Variants in SOX5 observed in about 807,000 individuals in gnomAD.
SOX5 encodes the protein transcription factor SOX-5.
Under a neutral mutation model 92.0 loss-of-function variants are expected in SOX5, and 9 were observed. That is an observed-to-expected ratio of 0.10 (90% confidence interval 0.06 to 0.17). The LOEUF is 0.17. SOX5 is among the 10% of genes least tolerant of loss of function. The probability of loss-of-function intolerance (pLI) is 1.00; values close to 1 mark genes in which losing one functional copy is unlikely to be tolerated. For missense variants in SOX5, 642 were observed against 944.5 expected (o/e 0.68, Z 4.20); for synonymous variants, 344 against 336.3 (o/e 1.02, Z -0.25).
chr12:24,237,821 G>C (rs759297930), intron 3 of SOX5: 1 of 152,144 alleles, frequency 6.6e-6, no homozygotes, highest in Admixed American at 6.5e-5. Context: ...ATTCTCCATA[G>C]CATCAAGCAC....
chr12:23,644,396 T>C (rs1247414238), intron 7 of SOX5, among the ~76,000 whole-genome samples: 3 of 152,208 alleles, frequency 2.0e-5, no homozygotes, highest in African/African-American at 7.2e-5. Context: ...AAATAAATGT[T>C]TGTTGTCTTA....
intron 2 of SOX5, among the ~76,000 whole-genome samples, chr12:23,895,209 A>C (rs10842238): frequency 0.049 from 1,464 of 30,000 alleles, 17 homozygotes; most frequent in Middle Eastern, 0.12. Context: ...AATAGGATGC[A>C]AAAAAAAAAA....
chr12:24,052,061 G>C (rs1480155511), intron 4 of SOX5, among the ~76,000 whole-genome samples: 2 of 152,070 alleles, frequency 1.3e-5, no homozygotes, highest in Non-Finnish European at 1.5e-5. Context: ...ATCTTCAATA[G>C]AGCCTTACTT....
intron 3 of SOX5, among the ~76,000 whole-genome samples, chr12:23,777,482 A>G (rs1466001784): frequency 6.6e-6 from 1 of 152,218 alleles, no homozygotes; most frequent in Non-Finnish European, 1.5e-5. Context: ...TTTTTAATGA[A>G]TTCAGACTCT....
At chr12:23,570,143 A>G (rs1947896247) in intron 10 of SOX5, among the ~76,000 whole-genome samples, 1 of 152,214 alleles carries the variant, frequency 6.6e-6, no homozygotes, top group African/African-American at 2.4e-5. Flanking sequence ...TATTTTATAT[A>G]GGAGTTGTAA....
chr12:24,387,092 G>A (rs1204415786), intron 1 of SOX5, among the ~76,000 whole-genome samples: 1 of 152,122 alleles, frequency 6.6e-6, no homozygotes, highest in East Asian at 1.9e-4. Flanking sequence ...TATAAAACAT[G>A]GCACAAAGTA....
intron 1 of SOX5, among the ~76,000 whole-genome samples, chr12:24,445,118 A>G (rs1218699696): frequency 6.6e-6 from 1 of 152,220 alleles, no homozygotes; most frequent in Non-Finnish European, 1.5e-5. Flanking sequence ...GACAGTCACA[A>G]GTACTTACAA....
intron 1 of SOX5, among the ~76,000 whole-genome samples, chr12:23,929,063 A>C (rs1398287610): frequency 1.3e-5 from 2 of 151,898 alleles, no homozygotes; most frequent in African/African-American, 4.8e-5. Context: ...AAAACACAGA[A>C]AAGCTTAACA....
At chr12:23,976,888 G>T (rs11047185) in intron 4 of SOX5, among the ~76,000 whole-genome samples, 7,950 of 151,614 alleles carry the variant, frequency 0.052, 648 homozygotes, top group East Asian at 0.38. Context: ...ACTTGTAGAA[G>T]AATAGAATAA....
chr12:24,078,754 C>T (rs1301079644), intron 4 of SOX5, among the ~76,000 whole-genome samples: 2 of 152,022 alleles, frequency 1.3e-5, no homozygotes, highest in Admixed American at 1.3e-4. Flanking sequence ...CTCAACTTCA[C>T]ATATTCAATG....
intron 1 of SOX5, 145 bp from the exon 2 acceptor site, chr12:23,896,169 C>T (rs1329966722): frequency 3.2e-6 from 2 of 626,712 alleles, no homozygotes; most frequent in East Asian, 5.4e-5. Context: ...CTGCAAAGCA[C>T]ACACAATCAG....
intron 4 of SOX5, among the ~76,000 whole-genome samples, chr12:24,044,398 G>A (rs536534753): frequency 2.6e-5 from 4 of 152,268 alleles, no homozygotes; most frequent in East Asian, 1.9e-4. Context: ...TTTCTAGTCC[G>A]GGAGGGGCAA....
At chr12:23,707,304 G>A (rs1267998950) in intron 6 of SOX5, among the ~76,000 whole-genome samples, 1 of 152,130 alleles carries the variant, frequency 6.6e-6, no homozygotes, top group Admixed American at 6.6e-5. Context: ...GCAACATCAA[G>A]AGAGGCCTGG....
intron 7 of SOX5, among the ~76,000 whole-genome samples, chr12:23,645,327 G>T (rs2080690880): frequency 6.6e-6 from 1 of 152,136 alleles, no homozygotes; most frequent in African/African-American, 2.4e-5. Context: ...ATGTAGAGAA[G>T]AAACAGTTTA....
At chr12:24,440,892 A>G (rs944722555) in intron 1 of SOX5, among the ~76,000 whole-genome samples, 5 of 152,208 alleles carry the variant, frequency 3.3e-5, no homozygotes, top group African/African-American at 1.2e-4. Context: ...TAAGCCGAAT[A>G]TAACATGGGA....
chr12:24,121,854 C>G (rs1948655796), intron 4 of SOX5, among the ~76,000 whole-genome samples: 1 of 125,218 alleles, frequency 8.0e-6, no homozygotes, highest in Non-Finnish European at 1.6e-5. Context: ...CCACTGCACT[C>G]TAGCCTGGGC....
At chr12:23,755,288 T>C (rs1226274761) in intron 4 of SOX5, among the ~76,000 whole-genome samples, 1 of 151,796 alleles carries the variant, frequency 6.6e-6, no homozygotes, top group African/African-American at 2.4e-5. Context: ...ATGTACAAAA[T>C]CTTATAAAAT....
At chr12:23,971,172 G>T (rs1476000843) in intron 4 of SOX5, among the ~76,000 whole-genome samples, 31 of 121,212 alleles carry the variant, frequency 2.6e-4, no homozygotes, top group African/African-American at 9.7e-4. Flanking sequence ...GCCCAGGCTG[G>T]AATGCAGTGG....
chr12:23,626,669 T>C (rs2077836646), intron 8 of SOX5, among the ~76,000 whole-genome samples: 1 of 102,700 alleles, frequency 9.7e-6, no homozygotes, highest in Admixed American at 1.1e-4. Context: ...CTTTCATTAG[T>C]GCTTTTTTTT....
Sources: allele counts gnomAD v4.1 joint callset (sites outside exome capture counted in the v4.1 genomes callset), GRCh38; gene constraint gnomAD v4.1.1; transcripts MANE v1.5; gene names NCBI Gene and HGNC (gene_info 2026-07-23, HGNC 2026-07-21).